LINGO2: variants seen among roughly 807,000 people sequenced by gnomAD.
LINGO2 encodes leucine rich repeat and Ig domain containing 2, also known as leucine-rich repeat and immunoglobulin-like domain-containing nogo receptor-interacting protein 2.
In LINGO2, 14 loss-of-function variants were observed where a neutral mutation model predicts 30.6. The ratio of observed to expected loss-of-function variants is 0.46; its 90% CI spans 0.30 to 0.72. The LOEUF (loss-of-function observed/expected upper bound fraction) is 0.72, where lower values mean the gene tolerates loss of function less well. Ranked by LOEUF, LINGO2 falls within the 30% of genes least tolerant of loss-of-function variation. The pLI is 0.07. For missense variants in LINGO2, 729 were observed against 751.7 expected, an observed-to-expected ratio of 0.97 and a Z score of 0.35; for synonymous variants, 317 against 288.5, an observed-to-expected ratio of 1.10 and a Z score of -1.00.
the LINGO2 span, among the ~76,000 whole-genome samples, chr9:28,877,224 T>A: frequency 6.6e-6 from 1 of 151,892 alleles, no homozygotes; most frequent in African/African-American, 2.4e-5. Flanking sequence ...TGATGGTAGT[T>A]TCTTTTGCTG....
chr9:28,517,239 C>T (rs1820655636), intron 1 of LINGO2, among the ~76,000 whole-genome samples: 1 of 152,158 alleles, frequency 6.6e-6, no homozygotes, highest in South Asian at 2.1e-4. Context: ...CCTCCACCCC[C>T]ACCACAGCTG....
intron 4 of LINGO2, among the ~76,000 whole-genome samples, chr9:28,098,422 T>C (rs1034980616): frequency 9.2e-5 from 14 of 152,210 alleles, no homozygotes; most frequent in African/African-American, 3.4e-4. Flanking sequence ...ATCTATAACA[T>C]GTCATATTTC....
chr9:28,273,564 C>G (rs1823015983), intron 4 of LINGO2, among the ~76,000 whole-genome samples: 2 of 152,130 alleles, frequency 1.3e-5, no homozygotes, highest in African/African-American at 4.8e-5. Flanking sequence ...TTCCAAGCTA[C>G]CAACCAGGGG....
At chr9:28,339,996 AC>A (rs1825714356) in intron 3 of LINGO2, among the ~76,000 whole-genome samples, 1 of 152,104 alleles carries the variant, frequency 6.6e-6, no homozygotes, top group East Asian at 1.9e-4. Flanking sequence ...ATCCTGCTTC[AC>A]AGTTGAATTC....
chr9:27,994,913 T>G (rs1051038905), intron 5 of LINGO2, among the ~76,000 whole-genome samples: 1 of 152,130 alleles, frequency 6.6e-6, no homozygotes, highest in South Asian at 2.1e-4. Context: ...GTACTGTCTC[T>G]CTCTCAATAA....
At chr9:28,391,127 T>C (rs1821812846) in intron 2 of LINGO2, among the ~76,000 whole-genome samples, 2 of 152,302 alleles carry the variant, frequency 1.3e-5, no homozygotes, top group South Asian at 4.1e-4. Context: ...GTTTTATTTT[T>C]AATTAACTTT....
intron 1 of LINGO2, among the ~76,000 whole-genome samples, chr9:28,573,057 A>G (rs1823779875): frequency 6.6e-6 from 1 of 152,120 alleles, no homozygotes; most frequent in Non-Finnish European, 1.5e-5. Flanking sequence ...TTCAATATCT[A>G]TTGGCAAAAT....
At chr9:28,979,210 T>C in the LINGO2 span, among the ~76,000 whole-genome samples, 1 of 152,082 alleles carries the variant, frequency 6.6e-6, no homozygotes, top group Non-Finnish European at 1.5e-5. Context: ...TTTTAACTTA[T>C]GGGCAAAATT....
At position 28,365,900 on chromosome 9, in the gene LINGO2, C is replaced by T. The variant is rs140308946; in HGVS notation, c.-246+6936G>A. On this transcript the variant is annotated intron_variant, in intron 3 of 5. Transcript: ENST00000379992. ...AGCATATGTACAAGTCAGGGTCTGTCTGTGTGTGACTAAGAAAGGATGGAG... is the reference window on the plus strand; with the variant it reads ...AGCATATGTACAAGTCAGGGTCTGTTTGTGTGTGACTAAGAAAGGATGGAG... 7.5e-3 allele frequency among the ~76,000 whole-genome samples: 1,143 copies of T among 151,550 alleles called. 17 individuals are homozygous for T. Among genetic ancestry groups the T allele is most frequent in the African/African-American group, 0.026 (1,066 of 41,316 alleles).
At chr9:28,610,920 T>C (rs1273906252) in intron 1 of LINGO2, among the ~76,000 whole-genome samples, 2 of 152,170 alleles carry the variant, frequency 1.3e-5, no homozygotes, top group East Asian at 1.9e-4. Flanking sequence ...ATCTAAATTG[T>C]ATTCTAATAA....
At chr9:27,949,176 G>A (rs772751190) in exon 6 of LINGO2, 14 of 1,614,050 alleles carry the variant, frequency 8.7e-6, no homozygotes, top group Non-Finnish European at 1.2e-5. Context: ...TCCTTTCACA[G>A]TTAAGGAGGC....
At chr9:28,233,372 G>C (rs1821442455) in intron 4 of LINGO2, among the ~76,000 whole-genome samples, 1 of 152,018 alleles carries the variant, frequency 6.6e-6, no homozygotes, top group Non-Finnish European at 1.5e-5. Flanking sequence ...CAAATTGGCA[G>C]AAACTTAAGT....
chr9:28,946,723 T>G, the LINGO2 span, among the ~76,000 whole-genome samples: 5 of 152,032 alleles, frequency 3.3e-5, no homozygotes, highest in African/African-American at 1.2e-4. Context: ...AAAGTAAAAA[T>G]GTAATCTTCA....
exon 6 of LINGO2, chr9:27,949,145 A>C (rs537474007): frequency 6.2e-7 from 1 of 1,614,150 alleles, no homozygotes; most frequent in East Asian, 2.2e-5. Context: ...TGTTCGCATA[A>C]AGAAAACGAT....
the LINGO2 span, among the ~76,000 whole-genome samples, chr9:28,939,956 C>T: frequency 6.6e-6 from 1 of 152,110 alleles, no homozygotes; most frequent in Non-Finnish European, 1.5e-5. Context: ...TTGTCTGTGG[C>T]TGTTTAATTT....
intron 1 of LINGO2, among the ~76,000 whole-genome samples, chr9:28,562,742 G>T (rs916235062): frequency 5.3e-5 from 8 of 151,924 alleles, no homozygotes; most frequent in African/African-American, 1.9e-4. Flanking sequence ...TAAAAGCTTT[G>T]GACAGGATAG....
intron 4 of LINGO2, among the ~76,000 whole-genome samples, chr9:28,241,570 C>A (rs1821801774): frequency 6.6e-6 from 1 of 152,048 alleles, no homozygotes; most frequent in African/African-American, 2.4e-5. Context: ...ATCTGGACAG[C>A]CCAGATTAGT....
At chr9:28,924,879 G>A in the LINGO2 span, among the ~76,000 whole-genome samples, 1 of 152,024 alleles carries the variant, frequency 6.6e-6, no homozygotes, top group Non-Finnish European at 1.5e-5. Flanking sequence ...TATAGTTCTT[G>A]ACTGAAAGCC....
chr9:28,843,893 A>T, the LINGO2 span, among the ~76,000 whole-genome samples: 1 of 151,510 alleles, frequency 6.6e-6, no homozygotes, highest in African/African-American at 2.4e-5. Flanking sequence ...TATTGGCTCT[A>T]CTTCTTACAG....
Sources: gnomAD v4.1 joint callset for allele counts (sites outside exome capture counted in the v4.1 genomes callset) on GRCh38, gnomAD v4.1.1 for gene constraint, MANE v1.5 for transcripts, NCBI Gene and HGNC (gene_info 2026-07-23, HGNC 2026-07-21) for gene names.